Variants in ANKS1B observed in about 807,000 individuals in gnomAD.
The protein encoded by ANKS1B is ankyrin repeat and sterile alpha motif domain containing 1B.
Under a neutral mutation model 148.3 loss-of-function variants are expected in ANKS1B, and 36 were observed. The observed-to-expected ratio is 0.24, with a 90% CI of 0.19 to 0.32. ANKS1B has a LOEUF of 0.32. ANKS1B is among the 10% of genes least tolerant of loss of function. ANKS1B has a pLI of 1.00. For synonymous variants in ANKS1B, 542 were observed against 560.8 expected, an observed-to-expected ratio of 0.97 and a Z score of 0.47; for missense variants, 1,157 against 1,542.6, an observed-to-expected ratio of 0.75 and a Z score of 4.19.
intron 9 of ANKS1B, among the ~76,000 whole-genome samples, chr12:99,512,633 A>C (rs888818547): frequency 6.6e-6 from 1 of 152,166 alleles, no homozygotes; most frequent in African/African-American, 2.4e-5. Flanking sequence ...TCACAATAGC[A>C]AAGACATGGG....
At position 99,053,153 on chromosome 12, in the gene ANKS1B, T is replaced by C; in HGVS notation, c.2778+4A>G. On this transcript the variant is annotated splice_donor_region_variant and intron_variant, in intron 17 of 26. Coordinates refer to ENST00000683438, the MANE Select transcript of ANKS1B (RefSeq NM_001352186.2). ...GTTAAGGTGTCACTAAGAGACCAAC[T>C]TACATTAATAAGTTCAACCTCCCAG... The C allele has an allele frequency of 1.2e-6, 2 of 1,602,398 alleles. No homozygotes were observed. The highest frequency in any genetic ancestry group is 2.2e-5 in the East Asian group (1 of 44,634).
intron 12 of ANKS1B, among the ~76,000 whole-genome samples, chr12:99,331,942 A>C (rs1241027722): frequency 1.3e-5 from 2 of 152,182 alleles, no homozygotes; most frequent in East Asian, 3.9e-4. Context: ...AAATAAAGGC[A>C]GTAAAGATTA....
At chr12:99,827,330 G>A (rs1323235150) in intron 1 of ANKS1B, among the ~76,000 whole-genome samples, 2 of 151,506 alleles carry the variant, frequency 1.3e-5, no homozygotes, top group Admixed American at 6.6e-5. Flanking sequence ...GAAAATATAC[G>A]GAATCTGAAA....
At position 99,775,633 on chromosome 12, in the gene ANKS1B, T is replaced by C. The variant is rs1442606681; in HGVS notation, c.876A>G (p.Thr292=). ...CTTCCTGTACAGGCTCTTCGAGGAC[T>C]GTAGATCTTCCCACGCCTTCTAAAT... The part of the protein sequence containing the change: ...QEYLEGVGRS[T]VLEEPVQEDA... Residue 292 remains threonine, a synonymous_variant, in exon 7 of 27, where the codon ACA becomes ACG. Transcript: ENST00000683438. 1.2e-6 allele frequency: 2 copies of C among 1,611,314 alleles called. No individual in the cohort carries two copies. Among genetic ancestry groups the C allele is most frequent in the Non-Finnish European group, 1.7e-6 (2 of 1,178,080 alleles).
chr12:99,465,801 A>T (rs913869048), intron 10 of ANKS1B, among the ~76,000 whole-genome samples: 2 of 152,148 alleles, frequency 1.3e-5, no homozygotes, highest in African/African-American at 2.4e-5. Context: ...AGCAAGTCCT[A>T]AGTGACCTAC....
intron 9 of ANKS1B, among the ~76,000 whole-genome samples, chr12:99,558,166 CAT>C (rs1245940241): frequency 6.6e-6 from 1 of 152,150 alleles, no homozygotes; most frequent in Non-Finnish European, 1.5e-5. Flanking sequence ...GATGCACACA[CAT>C]GATGGGGTCA....
At position 99,136,735 on chromosome 12, in the gene ANKS1B, G is replaced by A. The variant is rs190210966; in HGVS notation, c.2526+17554C>T. Among the ~76,000 whole-genome samples the A allele has an allele frequency of 3.3e-3, 503 of 152,264 alleles. 1 individual carries two copies. Among genetic ancestry groups the A allele is most frequent in the Non-Finnish European group, 5.7e-3 (390 of 68,012 alleles). ...TGAAAGTATTTGCTTTTGGAGAGTG[G>A]GGCTGGGAACAGGGAGAAGAATGCA... On this transcript the variant is annotated intron_variant, in intron 15 of 26. Coordinates refer to ENST00000683438, the MANE Select transcript of ANKS1B (RefSeq NM_001352186.2).
intron 9 of ANKS1B, among the ~76,000 whole-genome samples, chr12:99,624,612 A>T (rs1021095740): frequency 2.0e-5 from 3 of 152,180 alleles, no homozygotes; most frequent in African/African-American, 7.2e-5. Flanking sequence ...TTCTCAAAGG[A>T]ATGCATACAA....
At chr12:99,748,078 T>A (rs1332229408) in intron 8 of ANKS1B, among the ~76,000 whole-genome samples, 2 of 152,146 alleles carry the variant, frequency 1.3e-5, no homozygotes, top group Non-Finnish European at 2.9e-5. Context: ...TTATTATGAT[T>A]GCGACTAGCT....
chr12:99,387,231 C>T (rs1165247990), intron 12 of ANKS1B, among the ~76,000 whole-genome samples: 3 of 152,160 alleles, frequency 2.0e-5, no homozygotes, highest in African/African-American at 7.2e-5. Flanking sequence ...TGTTTAAATA[C>T]TAACTCCCAA....
chr12:99,474,955 G>A (rs1048621921), intron 10 of ANKS1B, among the ~76,000 whole-genome samples: 8 of 151,826 alleles, frequency 5.3e-5, no homozygotes, highest in South Asian at 2.1e-4. Flanking sequence ...CTCAAAAGCC[G>A]GCTGGGTGGG....
At chr12:99,550,759 A>G (rs960605569) in intron 9 of ANKS1B, among the ~76,000 whole-genome samples, 3 of 148,004 alleles carry the variant, frequency 2.0e-5, no homozygotes, top group Non-Finnish European at 4.4e-5. Flanking sequence ...ACCCACAATC[A>G]CTAACTAACC....
intron 17 of ANKS1B, among the ~76,000 whole-genome samples, chr12:99,044,205 G>T (rs1335260717): frequency 6.6e-6 from 1 of 151,584 alleles, no homozygotes; most frequent in African/African-American, 2.4e-5. Context: ...AAATATAGCT[G>T]GATTAAAATT....
intron 15 of ANKS1B, among the ~76,000 whole-genome samples, chr12:99,142,577 AAAAAT>A (rs1439722973): frequency 4.6e-5 from 7 of 152,152 alleles, no homozygotes; most frequent in Non-Finnish European, 8.8e-5. Flanking sequence ...TGCAAGAACT[AAAAAT>A]AGAATCTATT....
intron 12 of ANKS1B, among the ~76,000 whole-genome samples, chr12:99,287,066 C>T (rs1317471947): frequency 6.6e-6 from 1 of 151,896 alleles, no homozygotes; most frequent in Admixed American, 6.5e-5. Flanking sequence ...TCGGTGGTAG[C>T]CAGGCAGTGG....
intron 9 of ANKS1B, among the ~76,000 whole-genome samples, chr12:99,516,756 TA>T (rs374852268): frequency 0.017 from 2,581 of 149,612 alleles, 65 homozygotes; most frequent in African/African-American, 0.059. Context: ...AAAATTAATT[TA>T]AAAAAAAAAG....
intron 9 of ANKS1B, among the ~76,000 whole-genome samples, chr12:99,582,713 T>C (rs1018366494): frequency 6.6e-6 from 1 of 152,054 alleles, no homozygotes; most frequent in African/African-American, 2.4e-5. Flanking sequence ...CAAAGGTAAA[T>C]AAGGGAATGT....
chr12:98,746,536 G>T (rs2153369611), intron 26 of ANKS1B, among the ~76,000 whole-genome samples: 1 of 152,240 alleles, frequency 6.6e-6, no homozygotes, highest in African/African-American at 2.4e-5. Flanking sequence ...CAACTTTTCT[G>T]CTCTCCTCTT....
chr12:99,457,678 A>T (rs2095869513), intron 10 of ANKS1B, among the ~76,000 whole-genome samples: 1 of 152,174 alleles, frequency 6.6e-6, no homozygotes, highest in Non-Finnish European at 1.5e-5. Flanking sequence ...TAAAAAAGAC[A>T]AAGAAGGACA....
Sources: gnomAD v4.1 joint callset for allele counts (sites outside exome capture counted in the v4.1 genomes callset) on GRCh38, gnomAD v4.1.1 for gene constraint, MANE v1.5 for transcripts, NCBI Gene and HGNC (gene_info 2026-07-23, HGNC 2026-07-21) for gene names.